Variants in FER observed in about 807,000 individuals in gnomAD.
FER encodes tyrosine-protein kinase Fer.
In FER, 63 loss-of-function variants were observed where a neutral mutation model predicts 111.0. The observed-to-expected ratio is 0.57, with a 90% CI of 0.46 to 0.70. The LOEUF is 0.70. Ranked by LOEUF, FER falls within the 30% of genes least tolerant of loss-of-function variation. The probability of loss-of-function intolerance (pLI) is 0.00; values close to 1 mark genes in which losing one functional copy is unlikely to be tolerated. For synonymous variants in FER, 327 were observed against 313.9 expected, an observed-to-expected ratio of 1.04 and a Z score of -0.44; for missense variants, 914 against 954.0, an observed-to-expected ratio of 0.96 and a Z score of 0.55.
chr5:108,993,667 G>A (rs916199643), intron 13 of FER, among the ~76,000 whole-genome samples: 1 of 148,690 alleles, frequency 6.7e-6, no homozygotes, highest in Non-Finnish European at 1.5e-5. Flanking sequence ...GCGAGGGTGA[G>A]GGAGAGGGAG....
chr5:108,897,733 A>G lies in FER; in HGVS notation c.1121A>G (p.Glu374Gly), dbSNP rs1362487103. The G allele has an allele frequency of 6.2e-7, 1 of 1,613,710 alleles. No homozygotes were observed. Among genetic ancestry groups the G allele is most frequent in the African/African-American group, 1.3e-5 (1 of 75,032 alleles). Reference sequence around the variant, plus strand: ...TCAGTCCAGCAGCTGAGATGCACTGAAGCAAAGTTTTCAGCACAGAAGGAA... The same window carrying G: ...TCAGTCCAGCAGCTGAGATGCACTGGAGCAAAGTTTTCAGCACAGAAGGAA... ...KQSVQQLRCT[E>G]AKFSAQKELL... The change falls in exon 10 of 20, where the codon GAA (glutamate) becomes GGA (glycine). Residue 374 changes from glutamate to glycine, a missense_variant. This residue lies in a region of FER where 774 missense variants were observed against 782.6 expected (regional missense o/e 0.99). Coordinates refer to ENST00000281092, the MANE Select transcript of FER (RefSeq NM_005246.4).
chr5:108,856,465 A>G (rs563587158), intron 5 of FER, among the ~76,000 whole-genome samples: 2 of 152,266 alleles, frequency 1.3e-5, no homozygotes, highest in African/African-American at 4.8e-5. Flanking sequence ...CTTATTAGAT[A>G]CCTTTCGTAT....
intron 17 of FER, among the ~76,000 whole-genome samples, chr5:109,158,532 T>C (rs1755652230): frequency 6.6e-6 from 1 of 152,220 alleles, no homozygotes. Context: ...CCTAGAATTA[T>C]AGCCTCCATT....
At chr5:108,916,534 T>C (rs1752292132) in intron 10 of FER, among the ~76,000 whole-genome samples, 2 of 152,170 alleles carry the variant, frequency 1.3e-5, no homozygotes, top group South Asian at 4.1e-4. Flanking sequence ...ACTTGCGTTA[T>C]ATATATAGTT....
chr5:108,860,098 C>A (rs939510048), intron 5 of FER, among the ~76,000 whole-genome samples: 1 of 151,752 alleles, frequency 6.6e-6, no homozygotes, highest in Non-Finnish European at 1.5e-5. Flanking sequence ...TGCACCACCA[C>A]GCCCAGCTAA....
intron 5 of FER, among the ~76,000 whole-genome samples, chr5:108,845,067 T>TATATATATATATATATACAC (rs1486282738): frequency 1.9e-5 from 1 of 53,852 alleles, no homozygotes; most frequent in Admixed American, 2.1e-4. Flanking sequence ...TATATATATA[T>TATATATATATATATATACAC]ACACACACAC....
chr5:109,103,586 G>A (rs1748520876), intron 17 of FER, among the ~76,000 whole-genome samples: 2 of 152,152 alleles, frequency 1.3e-5, no homozygotes, highest in African/African-American at 4.8e-5. Flanking sequence ...TTTACAGCTT[G>A]AGGATTGCTG....
intron 3 of FER, among the ~76,000 whole-genome samples, chr5:108,829,474 C>T (rs1055901364): frequency 1.3e-5 from 2 of 152,038 alleles, no homozygotes; most frequent in Admixed American, 6.6e-5. Context: ...CTTGTCTCTA[C>T]TAAAAATCAA....
intron 17 of FER, among the ~76,000 whole-genome samples, chr5:109,162,312 TATC>T (rs1756079578): frequency 2.0e-5 from 3 of 152,170 alleles, no homozygotes; most frequent in South Asian, 4.1e-4. Flanking sequence ...AAGACAGTCA[TATC>T]ATTATTTGGA....
chr5:109,092,747 C>T (rs1481059883), intron 16 of FER, among the ~76,000 whole-genome samples: 1 of 151,988 alleles, frequency 6.6e-6, no homozygotes, highest in Admixed American at 6.6e-5. Flanking sequence ...TCTAGCCATC[C>T]CATTTCTGGA....
intron 19 of FER, 105 bp downstream of exon 19, chr5:109,186,427 G>A (rs1394577621): frequency 6.5e-7 from 1 of 1,535,886 alleles, no homozygotes; most frequent in African/African-American, 1.4e-5. Context: ...CTGTTTGGTT[G>A]TGTTATGAGA....
At chr5:108,849,423 C>T (rs933051671) in intron 5 of FER, among the ~76,000 whole-genome samples, 1 of 151,848 alleles carries the variant, frequency 6.6e-6, no homozygotes, top group African/African-American at 2.4e-5. Context: ...TCTGCAATGC[C>T]TAATTGCCTT....
chr5:108,824,644 C>A (rs1490969783), intron 3 of FER, among the ~76,000 whole-genome samples: 1 of 151,566 alleles, frequency 6.6e-6, no homozygotes, highest in Non-Finnish European at 1.5e-5. Flanking sequence ...ATACTCCTGG[C>A]AGGAAAAGAA....
chr5:109,104,548 G>T (rs1416666345), intron 17 of FER, among the ~76,000 whole-genome samples: 1 of 152,106 alleles, frequency 6.6e-6, no homozygotes, highest in African/African-American at 2.4e-5. Flanking sequence ...TCACTGAATA[G>T]AAGGAGTAAG....
At chr5:109,131,418 T>C (rs2126575313) in intron 17 of FER, among the ~76,000 whole-genome samples, 1 of 152,262 alleles carries the variant, frequency 6.6e-6, no homozygotes, top group African/African-American at 2.4e-5. Context: ...TAAGATTTTT[T>C]CCCCTGTGAT....
intron 5 of FER, among the ~76,000 whole-genome samples, chr5:108,855,405 G>C (rs766361002): frequency 7.9e-5 from 12 of 152,010 alleles, no homozygotes; most frequent in Non-Finnish European, 1.6e-4. Context: ...GGCCGAGGCG[G>C]GCAGATGACA....
chr5:108,975,350 T>C (rs1053589510), intron 13 of FER, among the ~76,000 whole-genome samples: 1 of 152,156 alleles, frequency 6.6e-6, no homozygotes, highest in Non-Finnish European at 1.5e-5. Context: ...CGAACCACCA[T>C]GACACATGTA....
intron 10 of FER, among the ~76,000 whole-genome samples, chr5:108,900,855 G>A (rs1749909744): frequency 6.6e-6 from 1 of 152,136 alleles, no homozygotes; most frequent in East Asian, 1.9e-4. Context: ...TCTTAGTCTT[G>A]ATGTTTATTT....
intron 9 of FER, among the ~76,000 whole-genome samples, chr5:108,885,759 A>G (rs1418249068): frequency 6.6e-6 from 1 of 151,874 alleles, no homozygotes; most frequent in Non-Finnish European, 1.5e-5. Flanking sequence ...TTTTGGCAGC[A>G]TACAAACATT....
Sources: allele counts gnomAD v4.1 joint callset (sites outside exome capture counted in the v4.1 genomes callset), GRCh38; gene constraint gnomAD v4.1.1; regional missense constraint gnomAD v4.1.1; transcripts MANE v1.5; gene names NCBI Gene and HGNC (gene_info 2026-07-23, HGNC 2026-07-21).